The following MYO7A variants were observed in gnomAD, a reference collection of about 807,000 sequenced individuals.
MYO7A encodes unconventional myosin-VIIa.
A neutral mutation model predicts 263.8 loss-of-function variants in MYO7A; 210 were observed. The observed-to-expected ratio is 0.80, with a 90% CI of 0.71 to 0.89. The LOEUF (loss-of-function observed/expected upper bound fraction) is 0.89, where lower values mean the gene tolerates loss of function less well. Ranked by LOEUF, MYO7A falls within the 40% of genes least tolerant of loss-of-function variation. MYO7A has a pLI of 0.00. For missense variants in MYO7A, 2,820 were observed against 2,968.3 expected (o/e 0.95, Z 1.16); for synonymous variants, 1,239 against 1,197.3 (o/e 1.03, Z -0.72).
At chr11:77,198,105 C>G (rs1956799722) in intron 33 of MYO7A, among the ~76,000 whole-genome samples, 1 of 152,254 alleles carries the variant, frequency 6.6e-6, no homozygotes, top group Admixed American at 6.5e-5. Context: ...CTCAGCCATC[C>G]TCGGGCCATC....
In MYO7A at chr11:77,138,299, G is replaced by A. The variant is rs1355265464; in HGVS notation, c.19-4410G>A. On this transcript the variant is annotated intron_variant, in intron 2 of 48. Transcript: ENST00000409709. The surrounding 1 kb of genome is among the most constrained non-coding windows in gnomAD (Gnocchi z 4.9). ...GAGCCGGAGCAGTGCCGCCGTCGCC[G>A]TCGCAGCGCCATGGAGGACCCCGCC... Among the ~76,000 whole-genome samples the A allele has an allele frequency of 6.6e-6, 1 of 151,708 alleles. No individual in the cohort carries two copies. Among genetic ancestry groups the A allele is most frequent in the South Asian group, 2.1e-4 (1 of 4,836 alleles).
chr11:77,169,410 A>C (rs1271339047), intron 15 of MYO7A, among the ~76,000 whole-genome samples: 9 of 152,234 alleles, frequency 5.9e-5, no homozygotes, highest in Non-Finnish European at 1.2e-4. Context: ...CCCTGAGCCC[A>C]AGAGACACCT....
rs1488903626 is a variant in MYO7A, at chr11:77,215,043, G to C, written c.*347G>C. ...TGACTTTCTGTGTACCACTGGGATAGAGGAATCAAGAGGACAATCTAGCTC... is the reference window on the plus strand; with the variant it reads ...TGACTTTCTGTGTACCACTGGGATACAGGAATCAAGAGGACAATCTAGCTC... On this transcript the variant is annotated 3_prime_UTR_variant, in exon 49 of 49. Transcript: ENST00000409709. The C allele has an allele frequency of 1.1e-5, 3 of 266,956 alleles. No individual in the cohort carries two copies. Among genetic ancestry groups the C allele is most frequent in the Non-Finnish European group, 2.2e-5 (3 of 139,400 alleles). The allele number at this position is 266,956 out of a possible 1,614,324, so 16.5% of individuals were successfully genotyped here.
intron 46 of MYO7A, chr11:77,212,235 T>C (rs1457826700): frequency 1.9e-6 from 1 of 536,156 alleles, no homozygotes; most frequent in East Asian, 4.6e-5. Context: ...GTGGCAGAGC[T>C]CGGGAGGCTC....
rs397516284 is a variant in MYO7A, at chr11:77,142,827, G to A, written c.132+5G>A. ...GTGGTGGATGATGAAGACAATGTGA[G>A]TAGTCCCCTCCCTCCTCCTGCCCCA... On this transcript the variant is annotated splice_donor_5th_base_variant and intron_variant, in intron 3 of 48. Coordinates refer to ENST00000409709, the MANE Select transcript of MYO7A (RefSeq NM_000260.4). 11 of 1,594,614 alleles carry A rather than the reference G, an allele frequency of 6.9e-6. No homozygotes were observed. Among genetic ancestry groups the A allele is most frequent in the Non-Finnish European group, 9.4e-6 (11 of 1,169,964 alleles).
intron 41 of MYO7A, 27 bp from the exon 42 acceptor site, chr11:77,207,262 G>A (rs1957504287): frequency 6.5e-7 from 1 of 1,540,826 alleles, no homozygotes; most frequent in Non-Finnish European, 8.9e-7. Flanking sequence ...GGCCCTGCAG[G>A]AGCCCAGTGC....
chr11:77,200,973 A>G (rs891428893), intron 35 of MYO7A, among the ~76,000 whole-genome samples: 2 of 152,218 alleles, frequency 1.3e-5, no homozygotes, highest in African/African-American at 4.8e-5. Context: ...GGCCTGTGAC[A>G]GTGCAGTGAG....
intron 28 of MYO7A, among the ~76,000 whole-genome samples, chr11:77,189,710 C>G (rs1192115044): frequency 1.3e-5 from 2 of 152,240 alleles, no homozygotes; most frequent in Non-Finnish European, 2.9e-5. Flanking sequence ...GTGTCCCAGG[C>G]CCTCTGCACC....
Position 77,156,881 on chromosome 11 carries a change from C to T in MYO7A, c.612C>T (p.Thr204=). Residue 204 remains threonine (T), a synonymous_variant, in exon 7 of 49, where the codon ACC becomes ACT. Coordinates refer to ENST00000409709, the MANE Select transcript of MYO7A (RefSeq NM_000260.4). ...CCGCAGCATTTGGGAATGCCAAGACCATCCGCAATGACAACTCAAGCCGTT... is the reference window on the plus strand; with the variant it reads ...CCGCAGCATTTGGGAATGCCAAGACTATCCGCAATGACAACTCAAGCCGTT... ...PILEAFGNAK[T]IRNDNSSRFG... 1 of 1,613,988 alleles carries T rather than the reference C, an allele frequency of 6.2e-7. No individual in the cohort carries two copies. Among genetic ancestry groups the T allele is most frequent in the Non-Finnish European group, 8.5e-7 (1 of 1,179,906 alleles).
In MYO7A at chr11:77,190,935, G is replaced by GTGC. The variant is rs1956021754; in HGVS notation, c.3924+69_3924+71dup. The GTGC allele has an allele frequency of 2.7e-6, 4 of 1,464,368 alleles. No homozygotes were observed. In the Admixed American group the frequency reaches 8.9e-5, roughly 33 times the overall value. 90.7% of individuals were successfully genotyped at this position (1,464,368 alleles called of 1,614,324 possible). A position where few individuals can be genotyped will look rare whatever the true frequency, so the allele number is the denominator to read the frequency against. ...CTCCCGGCCCCACTCCGGGCTGCCAGTGCTGCCACCTACTTGCCGGGGCTA... is the reference window on the plus strand; with the variant it reads ...CTCCCGGCCCCACTCCGGGCTGCCAGTGCTGCTGCCACCTACTTGCCGGGGCTA... On this transcript the variant is annotated intron_variant, in intron 30 of 48. Transcript: ENST00000409709.
chr11:77,214,149 G>A (rs1958025945), intron 48 of MYO7A, among the ~76,000 whole-genome samples, 170 bp downstream of exon 48: 1 of 152,232 alleles, frequency 6.6e-6, no homozygotes, highest in African/African-American at 2.4e-5. Context: ...TAGGTCTGGG[G>A]AAGGGACTTA....
chr11:77,157,137 C>T (rs782162149), intron 7 of MYO7A, 133 bp downstream of exon 7: 31 of 1,426,020 alleles, frequency 2.2e-5, no homozygotes, highest in Non-Finnish European at 2.9e-5. Context: ...TCCCTCTGTG[C>T]TGGAAATCCC....
chr11:77,212,325 G>T, intron 46 of MYO7A: 1 of 385,002 alleles, frequency 2.6e-6, no homozygotes, highest in Non-Finnish European at 5.1e-6. Flanking sequence ...CTCCTGGCAG[G>T]GGTCCCACAT....
chr11:77,146,260 G>C (rs552160590), intron 3 of MYO7A, among the ~76,000 whole-genome samples: 200 of 152,306 alleles, frequency 1.3e-3, no homozygotes, highest in African/African-American at 4.7e-3. Context: ...TGGAGGTTAG[G>C]GGTCCTTGTG....
rs1555084834 is a variant in MYO7A, at chr11:77,181,989, C to T, written c.2943C>T (p.Asp981=). Residue 981 remains aspartate, a synonymous_variant, in exon 24 of 49, where the codon GAC becomes GAT. Coordinates refer to ENST00000409709, the MANE Select transcript of MYO7A (RefSeq NM_000260.4). ...GGCGGAGGGAGATGGTGGAGGAGGA[C>T]CTGGATGCAGCCCTGCCCCTGCCTG... ...ERGRREMVEE[D]LDAALPLPDE... The T allele has an allele frequency of 2.5e-6, 4 of 1,613,144 alleles. No individual in the cohort carries two copies. The highest frequency in any genetic ancestry group is 1.7e-5 in the Admixed American group (1 of 59,994).
intron 15 of MYO7A, among the ~76,000 whole-genome samples, chr11:77,170,004 G>A (rs1555075013): frequency 1.3e-5 from 2 of 152,170 alleles, no homozygotes; most frequent in Non-Finnish European, 2.9e-5. Context: ...CTGGGAGGTC[G>A]AGGCTGCAAT....
chr11:77,162,287 T>A lies in MYO7A; in HGVS notation c.1511T>A (p.Met504Lys). Residue 504 changes from methionine to lysine, a missense_variant, in exon 13 of 49, where the codon ATG becomes AAG. By Grantham distance (95) the Met-to-Lys change is moderately conservative. Transcript: ENST00000409709. ...DALDMIANKP[M>K]NIISLIDEES... ...CTGGACATGATTGCCAACAAGCCCA[T>A]GAACATCATCTCCCTCATCGATGAG... 1 of 1,552,802 alleles carries A rather than the reference T, an allele frequency of 6.4e-7. No homozygotes were observed. The highest frequency in any genetic ancestry group is 8.7e-7 in the Non-Finnish European group (1 of 1,147,604).
chr11:77,201,329 G>C (rs765814886), intron 35 of MYO7A, 119 bp from the exon 36 acceptor site: 4 of 989,814 alleles, frequency 4.0e-6, no homozygotes, highest in Non-Finnish European at 6.1e-6. Flanking sequence ...GTTGTGACAA[G>C]GTGGAGGCAG....
chr11:77,211,479 G>T (rs768895242), intron 45 of MYO7A, 142 bp downstream of exon 45: 55 of 964,130 alleles, frequency 5.7e-5, no homozygotes, highest in Non-Finnish European at 7.5e-5. Context: ...GCCCACCCTT[G>T]TTCCTCCACC....
Sources: gnomAD v4.1 joint callset for allele counts (sites outside exome capture counted in the v4.1 genomes callset) on GRCh38, gnomAD v4.1.1 for gene constraint, Gnocchi (gnomAD v3.1) non-coding constraint, MANE v1.5 for transcripts, NCBI Gene and HGNC (gene_info 2026-07-23, HGNC 2026-07-21) for gene names.